The following GSN variants were observed in gnomAD, a reference collection of about 807,000 sequenced individuals.
The protein encoded by GSN is actin-depolymerizing factor.
A neutral mutation model predicts 85.7 loss-of-function variants in GSN; 56 were observed. The observed-to-expected ratio is 0.65, with a 90% CI of 0.53 to 0.82. GSN has a LOEUF of 0.82. GSN is among the 40% of genes least tolerant of loss of function. The probability of loss-of-function intolerance (pLI) is 0.00; values close to 1 mark genes in which losing one functional copy is unlikely to be tolerated. For missense variants in GSN, 857 were observed against 979.8 expected, an observed-to-expected ratio of 0.87 and a Z score of 1.67; for synonymous variants, 373 against 399.1, an observed-to-expected ratio of 0.93 and a Z score of 0.78.
In GSN at chr9:121,310,867, C is replaced by T. The variant is rs374256017; in HGVS notation, c.513+22C>T. The stretch of plus-strand genomic sequence containing the variant: ...CAACGTGAGTCCTGCTTTCCTCTTT[C>T]CCAGGAGCCACTGAGGTGCTCCTGG... On this transcript the variant is annotated intron_variant, in intron 5 of 17. Transcript: ENST00000432226. 25 of 1,612,602 alleles carry T rather than the reference C, an allele frequency of 1.6e-5. No homozygotes were observed. The African/African-American group carries it at 2.9e-4, about 19-fold the overall frequency.
At chr9:121,269,361 G>A (rs2055568875) in intron 1 of GSN, among the ~76,000 whole-genome samples, 1 of 152,190 alleles carries the variant, frequency 6.6e-6, no homozygotes, top group Non-Finnish European at 1.5e-5. Flanking sequence ...CAAGGACCCA[G>A]AGAGTTTATG....
intron 5 of GSN, among the ~76,000 whole-genome samples, chr9:121,236,312 T>C (rs1388499069): frequency 2.0e-5 from 3 of 152,102 alleles, no homozygotes; most frequent in African/African-American, 7.2e-5. Flanking sequence ...CTCCACCTTC[T>C]GGGTTCAAGC....
chr9:121,317,460 A>G (rs1458438251), intron 8 of GSN: 2 of 523,316 alleles, frequency 3.8e-6, no homozygotes, highest in African/African-American at 1.9e-5. Context: ...CAAGTGCATT[A>G]TAACGTCAGT....
exon 2 of GSN, chr9:121,209,357 AAC>A (rs2132066056): frequency 6.6e-6 from 1 of 151,140 alleles, no homozygotes; most frequent in South Asian, 2.1e-4. Flanking sequence ...TCCTCACTGA[AAC>A]CAGGACTAAG....
At chr9:121,282,435 A>T in intron 2 of GSN, 1 of 1,291,122 alleles carries the variant, frequency 7.7e-7, no homozygotes, top group East Asian at 2.8e-5. Flanking sequence ...TTTTCTGCCA[A>T]AAGGAGAAGG....
chr9:121,300,220 C>T, intron 2 of GSN: 1 of 835,962 alleles, frequency 1.2e-6, no homozygotes, highest in Non-Finnish European at 2.1e-6. Flanking sequence ...GCTAACCTCA[C>T]CTTGGCCGGA....
At chr9:121,311,550 C>T (rs999794257) in intron 5 of GSN, 1 of 153,678 alleles carries the variant, frequency 6.5e-6, no homozygotes, top group African/African-American at 2.4e-5. Context: ...CGAACACACT[C>T]ACGTAACACT....
intron 2 of GSN, chr9:121,284,691 G>GA (rs1300726907): frequency 6.0e-6 from 1 of 167,284 alleles, no homozygotes; most frequent in East Asian, 1.9e-4. Flanking sequence ...TTGAGGTGGG[G>GA]AGCTGGTTAG....
intron 2 of GSN, among the ~76,000 whole-genome samples, chr9:121,292,876 G>T (rs1166049322): frequency 6.6e-6 from 1 of 152,110 alleles, no homozygotes; most frequent in Non-Finnish European, 1.5e-5. Flanking sequence ...GAGTGCCTTT[G>T]CGGGGCATGG....
chr9:121,280,459 A>G (rs1043637482), intron 1 of GSN: 8 of 152,254 alleles, frequency 5.3e-5, no homozygotes, highest in African/African-American at 7.2e-5. Flanking sequence ...AGAAAGTCCT[A>G]TCACCAGACA....
intron 11 of GSN, among the ~76,000 whole-genome samples, chr9:121,323,988 G>A (rs1304102594): frequency 1.3e-5 from 2 of 152,144 alleles, no homozygotes; most frequent in South Asian, 2.1e-4. Context: ...CTTATACGAC[G>A]ACATATGTTG....
rs1442102378 is a variant in GSN at position 121,299,140 on chromosome 9, G to A, written c.-9-2823G>A. 1 of 191,210 alleles carries A rather than the reference G, an allele frequency of 5.2e-6. No individual in the cohort carries two copies. Among genetic ancestry groups the A allele is most frequent in the Non-Finnish European group, 9.6e-6 (1 of 103,808 alleles). The allele number at this position is 191,210 out of a possible 1,614,324, so 11.8% of individuals were successfully genotyped here. ...ACTGTGTACAAACATGTGACTTTAC[G>A]TTTTGATCAAAATAAGACTTTTAAA... On this transcript the variant is annotated intron_variant, in intron 2 of 17. Coordinates refer to ENST00000432226, the MANE Select transcript of GSN (RefSeq NM_198252.3). The surrounding 1 kb of genome is among the most constrained non-coding windows in gnomAD (Gnocchi z 4.2).
In GSN at chr9:121,332,815, A is replaced by G; in HGVS notation, c.*212A>G. On this transcript the variant is annotated 3_prime_UTR_variant, in exon 18 of 18. Coordinates refer to ENST00000432226, the MANE Select transcript of GSN (RefSeq NM_198252.3). The surrounding 1 kb of genome is among the most constrained non-coding windows in gnomAD (Gnocchi z 4.8). ...CTAAAATGTCAGTGTTTGGGAAATT[A>G]AATCCAATAAAAACATTTTGAAGTG... 1.7e-6 allele frequency: 1 copy of G among 580,148 alleles called. No individual in the cohort carries two copies. Among genetic ancestry groups the G allele is most frequent in the South Asian group, 2.1e-5 (1 of 47,528 alleles). The allele number at this position is 580,148 out of a possible 1,614,324, so 35.9% of individuals were successfully genotyped here.
At chr9:121,320,655 A>C (rs2062312291) in intron 10 of GSN, among the ~76,000 whole-genome samples, 1 of 151,098 alleles carries the variant, frequency 6.6e-6, no homozygotes, top group Non-Finnish European at 1.5e-5. Flanking sequence ...CAAAAAACAA[A>C]AAAAAAAAAA....
chr9:121,215,358 C>T (rs146376674), intron 4 of GSN, among the ~76,000 whole-genome samples: 19 of 151,490 alleles, frequency 1.3e-4, no homozygotes, highest in Non-Finnish European at 2.1e-4. Flanking sequence ...TTTTGTGGGG[C>T]GACACAATTC....
rs1022592121 is a variant in GSN at position 121,311,036 on chromosome 9, G to A, written c.513+191G>A. The A allele has an allele frequency of 5.7e-5, 35 of 615,594 alleles. No homozygotes were observed. In the Middle Eastern group the frequency reaches 1.3e-3, roughly 23 times the overall value. The allele number at this position is 615,594 out of a possible 1,614,324, so 38.1% of individuals were successfully genotyped here. A position where few individuals can be genotyped will look rare whatever the true frequency, so the allele number is the denominator to read the frequency against. ...TAGACTCACACCACGGGTATAGTGC[G>A]TACTTGGACTTTGATTGACATATAG... On this transcript the variant is annotated intron_variant, in intron 5 of 17. Transcript: ENST00000432226.
intron 1 of GSN, among the ~76,000 whole-genome samples, chr9:121,269,728 A>C (rs970158262): frequency 6.6e-6 from 1 of 152,186 alleles, no homozygotes; most frequent in African/African-American, 2.4e-5. Context: ...GCAGCAAAGA[A>C]GGTTTCTGTG....
Position 121,329,089 on chromosome 9 carries a change from G to T in GSN, c.1887+74G>T. The T allele has an allele frequency of 5.7e-6, 9 of 1,587,966 alleles. No individual in the cohort carries two copies. Among genetic ancestry groups the T allele is most frequent in the Non-Finnish European group, 7.7e-6 (9 of 1,164,150 alleles). On this transcript the variant is annotated intron_variant, in intron 15 of 17. Coordinates refer to ENST00000432226, the MANE Select transcript of GSN (RefSeq NM_198252.3). The surrounding 1 kb of genome is among the most constrained non-coding windows in gnomAD (Gnocchi z 4.6). ...TTCCACAGGACTGGCCGGCAGCAGGGGCAGGAGAAACAGTTCTGATGGTGT... is the reference window on the plus strand; with the variant it reads ...TTCCACAGGACTGGCCGGCAGCAGGTGCAGGAGAAACAGTTCTGATGGTGT...
intron 5 of GSN, among the ~76,000 whole-genome samples, chr9:121,232,937 A>G (rs1261755967): frequency 6.6e-6 from 1 of 152,222 alleles, no homozygotes; most frequent in Non-Finnish European, 1.5e-5. Context: ...GTCCCCTGAT[A>G]GAAGTTTTCA....
Sources: gnomAD v4.1 joint callset for allele counts (sites outside exome capture counted in the v4.1 genomes callset) on GRCh38, gnomAD v4.1.1 for gene constraint, Gnocchi (gnomAD v3.1) non-coding constraint, MANE v1.5 for transcripts, NCBI Gene and HGNC (gene_info 2026-07-23, HGNC 2026-07-21) for gene names.